The following TMEM117 variants were observed in gnomAD, a reference collection of about 807,000 sequenced individuals.
The protein encoded by TMEM117 is transmembrane protein 117.
Under a neutral mutation model 52.4 loss-of-function variants are expected in TMEM117, and 27 were observed. The ratio of observed to expected loss-of-function variants is 0.51; its 90% CI spans 0.38 to 0.71. TMEM117 has a LOEUF of 0.71. Ranked by LOEUF, TMEM117 falls within the 30% of genes least tolerant of loss-of-function variation. The probability of loss-of-function intolerance (pLI) is 0.00; values close to 1 mark genes in which losing one functional copy is unlikely to be tolerated. For synonymous variants in TMEM117, 215 were observed against 206.3 expected (o/e 1.04, Z -0.36); for missense variants, 556 against 630.5 (o/e 0.88, Z 1.26).
At chr12:44,077,453 G>T (rs1947400047) in intron 3 of TMEM117, among the ~76,000 whole-genome samples, 1 of 151,992 alleles carries the variant, frequency 6.6e-6, no homozygotes, top group Non-Finnish European at 1.5e-5. Flanking sequence ...TAGAAACGTT[G>T]AGCTGAATTT....
chr12:44,264,102 A>C (rs1318051975), intron 5 of TMEM117: 1 of 152,210 alleles, frequency 6.6e-6, no homozygotes, highest in Non-Finnish European at 1.5e-5. Flanking sequence ...TACATATACA[A>C]AAGATTCAGT....
At chr12:44,120,030 T>C (rs1027137754) in intron 3 of TMEM117, among the ~76,000 whole-genome samples, 3 of 152,052 alleles carry the variant, frequency 2.0e-5, no homozygotes, top group Admixed American at 6.6e-5. Context: ...ATGGGAACTT[T>C]AGGCCTTGAA....
At chr12:43,920,440 G>C (rs760963174) in intron 2 of TMEM117, among the ~76,000 whole-genome samples, 1 of 149,986 alleles carries the variant, frequency 6.7e-6, no homozygotes, top group Non-Finnish European at 1.5e-5. Context: ...TTGAACCCGG[G>C]AGGCGGAGGT....
chr12:44,384,750 C>G (rs1226678663), intron 7 of TMEM117, among the ~76,000 whole-genome samples: 2 of 151,940 alleles, frequency 1.3e-5, no homozygotes, highest in Non-Finnish European at 2.9e-5. Context: ...TGTTACAATC[C>G]TTATGTGTCC....
chr12:43,857,143 G>A (rs73096960), intron 2 of TMEM117, among the ~76,000 whole-genome samples: 5,956 of 152,222 alleles, frequency 0.039, 147 homozygotes, highest in Middle Eastern at 0.088. Context: ...TAGCGCTAAA[G>A]GGCAATGAGC....
chr12:43,804,527 T>G, the TMEM117 span: 2 of 1,602,098 alleles, frequency 1.2e-6, no homozygotes, highest in Non-Finnish European at 1.7e-6. Context: ...AAGTCTGTAC[T>G]TTCCATTTCT....
chr12:43,967,205 C>T (rs1453567891), intron 3 of TMEM117, among the ~76,000 whole-genome samples: 1 of 151,692 alleles, frequency 6.6e-6, no homozygotes, highest in Admixed American at 6.6e-5. Flanking sequence ...CAGCTCACTA[C>T]AGCCTTGACC....
At chr12:44,359,996 G>A (rs1951699533) in intron 6 of TMEM117, among the ~76,000 whole-genome samples, 1 of 152,054 alleles carries the variant, frequency 6.6e-6, no homozygotes, top group Non-Finnish European at 1.5e-5. Context: ...GAATCTCAAA[G>A]AAAACATAAA....
In TMEM117 at chr12:44,033,920, T is replaced by C. The variant is rs189076392; in HGVS notation, c.410+89578T>C. Among the ~76,000 whole-genome samples the C allele has an allele frequency of 1.3e-4, 20 of 152,346 alleles. No homozygotes were observed. In the East Asian group the frequency reaches 3.7e-3, roughly 28 times the overall value. On this transcript the variant is annotated intron_variant, in intron 3 of 7. Transcript: ENST00000266534. ...TTTTCAGAGCAGAATCAAAGACCATTAATGAAGTTTGATGTTTTCTTCAGT... is the reference window on the plus strand; with the variant it reads ...TTTTCAGAGCAGAATCAAAGACCATCAATGAAGTTTGATGTTTTCTTCAGT...
intron 2 of TMEM117, among the ~76,000 whole-genome samples, chr12:43,861,410 T>C (rs571969471): frequency 2.6e-5 from 4 of 152,318 alleles, no homozygotes; most frequent in Non-Finnish European, 5.9e-5. Context: ...ATGACTCTTA[T>C]CTGTTTTTTT....
At chr12:44,224,845 GCT>G (rs1949840081) in intron 5 of TMEM117, among the ~76,000 whole-genome samples, 1 of 152,012 alleles carries the variant, frequency 6.6e-6, no homozygotes, top group African/African-American at 2.4e-5. Flanking sequence ...CCATAATTTT[GCT>G]CTCCCCAAGC....
At chr12:44,291,975 T>C (rs2138623069) in intron 5 of TMEM117, among the ~76,000 whole-genome samples, 1 of 152,194 alleles carries the variant, frequency 6.6e-6, no homozygotes, top group Non-Finnish European at 1.5e-5. Flanking sequence ...TATCTGGCTT[T>C]AGTATCAGAA....
intron 6 of TMEM117, among the ~76,000 whole-genome samples, chr12:44,372,610 CAAAA>C (rs1015834764): frequency 2.1e-5 from 3 of 146,210 alleles, no homozygotes; most frequent in African/African-American, 7.6e-5. Flanking sequence ...AAAAAAAAAA[CAAAA>C]GAAAGAAAGA....
chr12:43,872,002 T>C (rs1209858800), intron 2 of TMEM117, among the ~76,000 whole-genome samples: 2 of 152,176 alleles, frequency 1.3e-5, no homozygotes, highest in Non-Finnish European at 1.5e-5. Flanking sequence ...CAGGTGATCC[T>C]CCCGCCTCAG....
At chr12:44,205,437 T>A (rs1184855668) in intron 4 of TMEM117, among the ~76,000 whole-genome samples, 1 of 152,194 alleles carries the variant, frequency 6.6e-6, no homozygotes, top group East Asian at 1.9e-4. Flanking sequence ...GTCTTGGGTA[T>A]GTCTTTATTA....
chr12:44,151,409 G>A (rs544845929), intron 4 of TMEM117, among the ~76,000 whole-genome samples: 1 of 149,642 alleles, frequency 6.7e-6, no homozygotes, highest in South Asian at 2.1e-4. Flanking sequence ...TGCACAACGT[G>A]CAGGTTTGTT....
intron 4 of TMEM117, among the ~76,000 whole-genome samples, chr12:44,159,564 A>G (rs1009318378): frequency 2.0e-5 from 3 of 152,148 alleles, no homozygotes; most frequent in South Asian, 2.1e-4. Flanking sequence ...CAGTGTGTCC[A>G]TAATTTCTAA....
intron 2 of TMEM117, among the ~76,000 whole-genome samples, chr12:43,898,377 ATATT>A (rs1399652174): frequency 7.1e-6 from 1 of 140,458 alleles, no homozygotes; most frequent in Admixed American, 7.1e-5. Flanking sequence ...TTAATAATAT[ATATT>A]AATTAATAAT....
At chr12:44,027,444 G>T (rs1370306078) in intron 3 of TMEM117, among the ~76,000 whole-genome samples, 2 of 152,080 alleles carry the variant, frequency 1.3e-5, no homozygotes, top group East Asian at 3.9e-4. Context: ...AAAATGCTGG[G>T]ATTACAGGCA....
Sources: allele counts gnomAD v4.1 joint callset (sites outside exome capture counted in the v4.1 genomes callset), GRCh38; gene constraint gnomAD v4.1.1; transcripts MANE v1.5; gene names NCBI Gene and HGNC (gene_info 2026-07-23, HGNC 2026-07-21).